Variants in PDE1C observed in about 807,000 individuals in gnomAD.
PDE1C encodes the protein dual specificity calcium/calmodulin-dependent 3',5'-cyclic nucleotide phosphodiesterase 1C.
PDE1C carries 62 observed loss-of-function variants against 93.1 expected under a neutral mutation model. That is an observed-to-expected ratio of 0.67 (90% CI 0.54 to 0.82). The LOEUF (loss-of-function observed/expected upper bound fraction) is 0.82, where lower values mean the gene tolerates loss of function less well. PDE1C is among the 40% of genes least tolerant of loss of function. The pLI is 0.00. For missense variants in PDE1C, 742 were observed against 884.6 expected (o/e 0.84, Z 2.04); for synonymous variants, 325 against 310.1 (o/e 1.05, Z -0.50).
At chr7:31,743,031 C>T in the PDE1C span, among the ~76,000 whole-genome samples, 2 of 152,172 alleles carry the variant, frequency 1.3e-5, no homozygotes, top group Admixed American at 1.3e-4. Context: ...TCCAATGCCA[C>T]CCCCTAGTCT....
At chr7:32,185,925 AGAGAT>A (rs1803818385) in intron 2 of PDE1C, among the ~76,000 whole-genome samples, 1 of 152,214 alleles carries the variant, frequency 6.6e-6, no homozygotes, top group Admixed American at 6.5e-5. Flanking sequence ...GTGCTAGTCT[AGAGAT>A]TTGTTAATTT....
chr7:31,647,916 T>C, the PDE1C span, among the ~76,000 whole-genome samples: 1 of 152,148 alleles, frequency 6.6e-6, no homozygotes, highest in East Asian at 1.9e-4. Flanking sequence ...AATGATTTGT[T>C]GATATAATTA....
At chr7:31,893,167 G>T (rs752102131) in intron 2 of PDE1C, among the ~76,000 whole-genome samples, 1 of 152,132 alleles carries the variant, frequency 6.6e-6, no homozygotes, top group African/African-American at 2.4e-5. Flanking sequence ...GACAAGTTGG[G>T]GTGTGAAAAC....
intron 2 of PDE1C, among the ~76,000 whole-genome samples, chr7:31,961,126 C>T (rs1808876331): frequency 6.6e-6 from 1 of 151,946 alleles, no homozygotes; most frequent in Admixed American, 6.6e-5. Flanking sequence ...GATGAATGAG[C>T]TACAATTAAT....
intron 3 of PDE1C, among the ~76,000 whole-genome samples, chr7:32,148,801 G>A (rs1281047435): frequency 2.0e-5 from 3 of 152,054 alleles, no homozygotes; most frequent in South Asian, 2.1e-4. Flanking sequence ...ATAAATCAAT[G>A]AATTGTTCAT....
At chr7:31,796,260 AT>A (rs1785294002) in intron 16 of PDE1C, among the ~76,000 whole-genome samples, 1 of 151,252 alleles carries the variant, frequency 6.6e-6, no homozygotes, top group Admixed American at 6.6e-5. Context: ...ATCATATTGT[AT>A]CATATATCAT....
At chr7:32,090,846 G>A (rs148109594) in intron 3 of PDE1C, among the ~76,000 whole-genome samples, 2 of 152,304 alleles carry the variant, frequency 1.3e-5, no homozygotes, top group East Asian at 3.9e-4. Context: ...GTTCAATGAC[G>A]TGCAAGCCAG....
intron 3 of PDE1C, among the ~76,000 whole-genome samples, chr7:32,150,528 A>G (rs544105251): frequency 6.6e-6 from 1 of 152,316 alleles, no homozygotes; most frequent in East Asian, 1.9e-4. Context: ...GCATCCAGAG[A>G]AACAGGTGGA....
chr7:31,891,521 A>G (rs1028022038), intron 2 of PDE1C, among the ~76,000 whole-genome samples: 1 of 152,232 alleles, frequency 6.6e-6, no homozygotes, highest in Non-Finnish European at 1.5e-5. Context: ...ATAATCTCCC[A>G]AGCATTTTGA....
At chr7:31,954,518 G>T (rs1293355464) in intron 2 of PDE1C, among the ~76,000 whole-genome samples, 1 of 152,116 alleles carries the variant, frequency 6.6e-6, no homozygotes, top group African/African-American at 2.4e-5. Flanking sequence ...ATTTTGATGT[G>T]CTTTTTAATG....
intron 9 of PDE1C, among the ~76,000 whole-genome samples, chr7:31,843,202 A>G (rs888545635): frequency 1.3e-5 from 2 of 152,000 alleles, no homozygotes; most frequent in Non-Finnish European, 2.9e-5. Flanking sequence ...TTCTATAAAT[A>G]TTAATTAAGG....
the PDE1C span, among the ~76,000 whole-genome samples, chr7:31,719,523 A>G: frequency 6.6e-6 from 1 of 152,162 alleles, no homozygotes; most frequent in African/African-American, 2.4e-5. Flanking sequence ...ACCCTGGTCA[A>G]TGCTATTATA....
At chr7:32,315,243 T>C (rs1327887443) in intron 1 of PDE1C, among the ~76,000 whole-genome samples, 1 of 151,966 alleles carries the variant, frequency 6.6e-6, no homozygotes, top group East Asian at 1.9e-4. Context: ...TTAAATCAGA[T>C]GTTGCAAACT....
chr7:32,041,301 T>G (rs1264127130), intron 2 of PDE1C, among the ~76,000 whole-genome samples: 1 of 152,170 alleles, frequency 6.6e-6, no homozygotes, highest in Non-Finnish European at 1.5e-5. Context: ...TCCAAACCCC[T>G]GCTCTGTATT....
intron 7 of PDE1C, among the ~76,000 whole-genome samples, chr7:31,856,077 T>C (rs946614041): frequency 1.3e-5 from 2 of 152,242 alleles, no homozygotes; most frequent in Non-Finnish European, 2.9e-5. Flanking sequence ...CAGATTACAA[T>C]GTTTTACATT....
At chr7:32,369,402 A>G (rs1201725899) in intron 1 of PDE1C, among the ~76,000 whole-genome samples, 1 of 152,168 alleles carries the variant, frequency 6.6e-6, no homozygotes, top group Non-Finnish European at 1.5e-5. Context: ...TATCAACATC[A>G]CTTAACATCA....
intron 3 of PDE1C, among the ~76,000 whole-genome samples, chr7:32,083,364 C>T (rs7776889): frequency 0.62 from 94,451 of 151,132 alleles, 29,906 homozygotes; most frequent in African/African-American, 0.71. Context: ...AAAGATCAAA[C>T]CTACGTCTGA....
intron 3 of PDE1C, among the ~76,000 whole-genome samples, chr7:32,112,804 ATGTGTGTGTGTGTGTGTGTGTG>A (rs150245670): frequency 1.0e-4 from 7 of 66,748 alleles, no homozygotes; most frequent in African/African-American, 1.4e-4. Flanking sequence ...ATATACATAT[ATGTGTGTGTGTGTGTGTGTGTG>A]TGTGTGTGTG....
chr7:31,756,927 G>T (rs564381900), intron 17 of PDE1C, among the ~76,000 whole-genome samples: 1 of 152,228 alleles, frequency 6.6e-6, no homozygotes, highest in Non-Finnish European at 1.5e-5. Flanking sequence ...CGGTGGATCT[G>T]CTGGAAGGGC....
Sources: allele counts gnomAD v4.1 joint callset (sites outside exome capture counted in the v4.1 genomes callset), GRCh38; gene constraint gnomAD v4.1.1; transcripts MANE v1.5; gene names NCBI Gene and HGNC (gene_info 2026-07-23, HGNC 2026-07-21).